EPHB1: variants seen among roughly 807,000 people sequenced by gnomAD.
EPHB1 encodes EPH receptor B1.
EPHB1 carries 30 observed loss-of-function variants against 94.4 expected under a neutral mutation model. That is an observed-to-expected ratio of 0.32 (90% CI 0.24 to 0.43). The LOEUF (loss-of-function observed/expected upper bound fraction) is 0.43. EPHB1 is among the 20% of genes least tolerant of loss of function. EPHB1 has a pLI of 1.00. For missense variants in EPHB1, 1,055 were observed against 1,308.3 expected, an observed-to-expected ratio of 0.81 and a Z score of 2.99; for synonymous variants, 522 against 489.1, an observed-to-expected ratio of 1.07 and a Z score of -0.89.
At chr3:135,091,297 A>G (rs1938543083) in intron 3 of EPHB1, among the ~76,000 whole-genome samples, 1 of 152,216 alleles carries the variant, frequency 6.6e-6, no homozygotes, top group Non-Finnish European at 1.5e-5. Context: ...GGTGGAGCAG[A>G]CATTGGCACC....
intron 3 of EPHB1, among the ~76,000 whole-genome samples, chr3:134,969,202 T>G (rs80257642): frequency 0.017 from 2,528 of 152,338 alleles, 48 homozygotes; most frequent in African/African-American, 0.046. Flanking sequence ...TCTTAGCCAT[T>G]CTACTATGTG....
At chr3:134,874,364 G>A (rs905463535) in intron 1 of EPHB1, among the ~76,000 whole-genome samples, 2 of 152,060 alleles carry the variant, frequency 1.3e-5, no homozygotes, top group Admixed American at 6.6e-5. Flanking sequence ...GGGGCCTATT[G>A]GGGGGTGGAG....
intron 3 of EPHB1, among the ~76,000 whole-genome samples, chr3:134,952,360 C>T (rs1017708640): frequency 2.6e-5 from 3 of 113,474 alleles, no homozygotes; most frequent in Non-Finnish European, 5.2e-5. Flanking sequence ...TCTTCTCTCT[C>T]TCTCTCTCTC....
At chr3:135,226,502 A>G (rs1454035848) in intron 12 of EPHB1, among the ~76,000 whole-genome samples, 1 of 152,218 alleles carries the variant, frequency 6.6e-6, no homozygotes, top group Non-Finnish European at 1.5e-5. Context: ...AGGGAGCAGT[A>G]TGGCTGCCCC....
intron 4 of EPHB1, among the ~76,000 whole-genome samples, chr3:135,125,903 G>C (rs1162479900): frequency 6.6e-6 from 1 of 152,034 alleles, no homozygotes; most frequent in East Asian, 1.9e-4. Context: ...CTTGAATTCT[G>C]CTTCCCCATA....
chr3:135,247,359 A>T (rs1219027231), intron 13 of EPHB1, among the ~76,000 whole-genome samples: 1 of 152,200 alleles, frequency 6.6e-6, no homozygotes, highest in African/African-American at 2.4e-5. Flanking sequence ...GCATATTTCC[A>T]TCTCAATAGA....
chr3:135,246,964 T>A (rs1255969949), intron 13 of EPHB1, among the ~76,000 whole-genome samples: 1 of 152,238 alleles, frequency 6.6e-6, no homozygotes, highest in Non-Finnish European at 1.5e-5. Context: ...ACTCACTTTT[T>A]GACCAATTTA....
intron 3 of EPHB1, among the ~76,000 whole-genome samples, chr3:135,029,330 A>T (rs150176541): frequency 0.063 from 9,616 of 151,968 alleles, 930 homozygotes; most frequent in African/African-American, 0.22. Context: ...GATGGTCTTT[A>T]CATTTTGGCA....
chr3:135,059,512 G>T (rs1375130635), intron 3 of EPHB1, among the ~76,000 whole-genome samples: 1 of 152,180 alleles, frequency 6.6e-6, no homozygotes, highest in Non-Finnish European at 1.5e-5. Flanking sequence ...AAAGGCAGGA[G>T]AATGATTACA....
intron 5 of EPHB1, among the ~76,000 whole-genome samples, chr3:135,140,876 T>A (rs1940799962): frequency 6.6e-6 from 1 of 152,200 alleles, no homozygotes; most frequent in African/African-American, 2.4e-5. Context: ...AATGCAGCAA[T>A]TAACAAAACA....
intron 15 of EPHB1, among the ~76,000 whole-genome samples, chr3:135,255,074 A>AT (rs1173220151): frequency 1.3e-5 from 2 of 152,064 alleles, no homozygotes; most frequent in African/African-American, 2.4e-5. Flanking sequence ...CCCCTTTATC[A>AT]TTTTTTATTG....
At chr3:135,088,942 C>T (rs1332489833) in intron 3 of EPHB1, among the ~76,000 whole-genome samples, 1 of 152,128 alleles carries the variant, frequency 6.6e-6, no homozygotes, top group African/African-American at 2.4e-5. Context: ...TTGTATCAAA[C>T]ATTTATATTT....
At chr3:134,856,732 T>C (rs975586768) in intron 1 of EPHB1, among the ~76,000 whole-genome samples, 2 of 152,250 alleles carry the variant, frequency 1.3e-5, no homozygotes, top group Non-Finnish European at 2.9e-5. Flanking sequence ...CAATTTTTAG[T>C]CTAATTATAT....
At chr3:134,909,554 T>G (rs2107693789) in intron 1 of EPHB1, among the ~76,000 whole-genome samples, 1 of 152,344 alleles carries the variant, frequency 6.6e-6, no homozygotes, top group South Asian at 2.1e-4. Context: ...GTGCTATGAA[T>G]GAGCAGATGA....
At chr3:134,827,455 C>T (rs1266850056) in intron 1 of EPHB1, among the ~76,000 whole-genome samples, 2 of 152,204 alleles carry the variant, frequency 1.3e-5, no homozygotes, top group Non-Finnish European at 2.9e-5. Context: ...TCGGGCATGA[C>T]TGCATTTAAG....
At chr3:134,968,831 T>G (rs550216718) in intron 3 of EPHB1, among the ~76,000 whole-genome samples, 1 of 152,350 alleles carries the variant, frequency 6.6e-6, no homozygotes, top group South Asian at 2.1e-4. Flanking sequence ...TGAGACTGGC[T>G]TCTTTCACTC....
In EPHB1 at chr3:135,133,079, T is replaced by C. The variant is rs1940478429; in HGVS notation, c.1297+30T>C. 1.9e-6 allele frequency: 3 copies of C among 1,542,610 alleles called. No individual in the cohort carries two copies. In the South Asian group the frequency reaches 3.7e-5, roughly 19 times the overall value. Reference sequence around the variant, plus strand: ...GTCTGGAGGCTTCTGTGCTCCTGTTTGGATGTGTGGCTGGCTCTTTGTCTC... The same window carrying C: ...GTCTGGAGGCTTCTGTGCTCCTGTTCGGATGTGTGGCTGGCTCTTTGTCTC... On this transcript the variant is annotated intron_variant, in intron 5 of 15. Coordinates refer to ENST00000398015, the MANE Select transcript of EPHB1 (RefSeq NM_004441.5).
At chr3:134,998,694 T>A (rs1935076741) in intron 3 of EPHB1, among the ~76,000 whole-genome samples, 1 of 152,234 alleles carries the variant, frequency 6.6e-6, no homozygotes, top group African/African-American at 2.4e-5. Context: ...ATATATTGCG[T>A]TAAATCATTT....
At chr3:134,826,801 G>A (rs554804747) in intron 1 of EPHB1, among the ~76,000 whole-genome samples, 2 of 152,152 alleles carry the variant, frequency 1.3e-5, no homozygotes, top group South Asian at 4.2e-4. Context: ...TTTCTATTTT[G>A]TAGGGGGAAA....
Sources: gnomAD v4.1 joint callset for allele counts (sites outside exome capture counted in the v4.1 genomes callset) on GRCh38, gnomAD v4.1.1 for gene constraint, MANE v1.5 for transcripts, NCBI Gene and HGNC (gene_info 2026-07-23, HGNC 2026-07-21) for gene names.